TBCK: variants seen among roughly 807,000 people sequenced by gnomAD.
TBCK encodes the protein TBC1 domain containing kinase.
A neutral mutation model predicts 113.4 loss-of-function variants in TBCK; 99 were observed. The observed-to-expected ratio is 0.87, with a 90% CI of 0.74 to 1.03. The LOEUF is 1.03. TBCK is among the 50% of genes least tolerant of loss of function. The pLI, the probability that TBCK is intolerant of heterozygous loss-of-function variation, is 0.00. For missense variants in TBCK, 1,045 were observed against 1,061.3 expected (o/e 0.98, Z 0.21); for synonymous variants, 369 against 370.8 (o/e 1.00, Z 0.05).
At chr4:106,068,630 GTAGCATGATTTATAATCC>G (rs1453802125) in intron 25 of TBCK, among the ~76,000 whole-genome samples, 2 of 152,124 alleles carry the variant, frequency 1.3e-5, no homozygotes, top group African/African-American at 4.8e-5. Flanking sequence ...CATCTTTATA[GTAGCATGATTTATAATCC>G]TTTGGCTATA....
At chr4:106,196,443 C>T (rs1225004777) in intron 20 of TBCK, among the ~76,000 whole-genome samples, 5 of 151,942 alleles carry the variant, frequency 3.3e-5, no homozygotes, top group Non-Finnish European at 7.4e-5. Flanking sequence ...AATATTATTT[C>T]AGCACCTAGC....
At chr4:106,114,061 T>A (rs1277888851) in intron 24 of TBCK, among the ~76,000 whole-genome samples, 1 of 152,194 alleles carries the variant, frequency 6.6e-6, no homozygotes, top group Non-Finnish European at 1.5e-5. Flanking sequence ...TGTCTTCTAT[T>A]ATTTACTAAT....
At chr4:106,197,404 T>TGC (rs1754370551) in intron 20 of TBCK, among the ~76,000 whole-genome samples, 1 of 110,666 alleles carries the variant, frequency 9.0e-6, no homozygotes, top group Non-Finnish European at 2.0e-5. Context: ...TGTGTGTGTG[T>TGC]GTGTGTGTAT....
chr4:106,262,145 T>TG lies in TBCK; in HGVS notation c.333_334insC (p.Ile112HisfsTer10), dbSNP rs1762567467. On this transcript the variant is annotated frameshift_variant, in exon 4 of 26. Coordinates refer to ENST00000394708, the MANE Select transcript of TBCK (RefSeq NM_001163435.3). LOFTEE classifies it high-confidence loss of function. ...TGAGGAGACAATGCCCTGTGTACTA[T>TG]ACCATGTTTGTTCATATACTGCAAG... 2 of 1,548,582 alleles carry TG rather than the reference T, an allele frequency of 1.3e-6. No individual in the cohort carries two copies. Among genetic ancestry groups the TG allele is most frequent in the Admixed American group, 2.0e-5 (1 of 50,906 alleles).
chr4:106,247,244 C>T lies in TBCK; in HGVS notation c.826G>A (p.Val276Ile), dbSNP rs1392535319. Reference protein sequence around the residue: ...QLMKDKVFSEVSPLYTPFTKP... With the variant: ...QLMKDKVFSEISPLYTPFTKP... ...GTAAAGGGGGTATATAAAGGTGATA[C>T]CTCACTGAATACTTTGTCCTTCATT... The change falls in exon 10 of 26, where the codon GTA becomes ATA. Residue 276 changes from valine to isoleucine, a missense_variant. Physicochemically the swap from Val to Ile is conservative, Grantham distance 29. Transcript: ENST00000394708. The T allele has an allele frequency of 1.2e-6, 2 of 1,612,426 alleles. No individual in the cohort carries two copies. The highest frequency in any genetic ancestry group is 1.7e-6 in the Non-Finnish European group (2 of 1,178,882).
intron 19 of TBCK, among the ~76,000 whole-genome samples, chr4:106,223,632 TC>T (rs1757939504): frequency 6.6e-6 from 1 of 152,144 alleles, no homozygotes; most frequent in African/African-American, 2.4e-5. Context: ...GGGGAAACTT[TC>T]TCCTAATTTC....
intron 3 of TBCK, among the ~76,000 whole-genome samples, chr4:106,285,116 T>C (rs1323276502): frequency 6.6e-6 from 1 of 152,148 alleles, no homozygotes; most frequent in African/African-American, 2.4e-5. Flanking sequence ...TAAAAGCCAC[T>C]GGAAAGACAG....
At chr4:106,175,132 C>CAA (rs754840841) in intron 22 of TBCK, among the ~76,000 whole-genome samples, 3 of 90,740 alleles carry the variant, frequency 3.3e-5, no homozygotes, top group Admixed American at 1.3e-4. Flanking sequence ...AAGACTCTCT[C>CAA]AAAAAAAAAA....
At chr4:106,306,236 ATTTTTT>A (rs60417567) in intron 2 of TBCK, among the ~76,000 whole-genome samples, 4 of 97,326 alleles carry the variant, frequency 4.1e-5, no homozygotes, top group African/African-American at 1.2e-4. Context: ...TGCCTGGCTA[ATTTTTT>A]TTTTTTTTTT....
At chr4:106,115,239 A>G (rs71599099) in intron 24 of TBCK, among the ~76,000 whole-genome samples, 4 of 152,216 alleles carry the variant, frequency 2.6e-5, no homozygotes, top group Admixed American at 6.5e-5. Context: ...TTTTTGAGCA[A>G]CAACATCAGG....
chr4:106,185,458 T>C (rs1752905599), intron 22 of TBCK, among the ~76,000 whole-genome samples: 1 of 151,588 alleles, frequency 6.6e-6, no homozygotes, highest in South Asian at 2.1e-4. Context: ...AACTTTATAC[T>C]CACTGAACAA....
At chr4:106,210,087 C>T (rs558130417) in intron 20 of TBCK, among the ~76,000 whole-genome samples, 2 of 151,988 alleles carry the variant, frequency 1.3e-5, no homozygotes, top group East Asian at 3.9e-4. Context: ...ATTTACTGTC[C>T]TTTGTTCTAG....
At chr4:106,086,001 A>G (rs556674996) in intron 25 of TBCK, among the ~76,000 whole-genome samples, 2 of 152,330 alleles carry the variant, frequency 1.3e-5, no homozygotes, top group East Asian at 3.9e-4. Context: ...AGCTAAAAAG[A>G]TCTCAAATCG....
intron 23 of TBCK, among the ~76,000 whole-genome samples, chr4:106,136,385 G>T (rs1454277539): frequency 7.1e-6 from 1 of 141,392 alleles, no homozygotes; most frequent in Admixed American, 7.0e-5. Flanking sequence ...TACAGGAGGA[G>T]TAGTTCATTT....
rs947552699 is a variant in TBCK, at chr4:106,260,509, C to A, written c.383G>T (p.Gly128Val). The A allele has an allele frequency of 2.5e-6, 3 of 1,182,560 alleles. No homozygotes were observed. The highest frequency in any genetic ancestry group is 1.6e-5 in the African/African-American group (1 of 63,330). 73.3% of individuals were successfully genotyped at this position (1,182,560 alleles called of 1,614,324 possible). ...SPHNILLDRK[G>V]HIKLAKFGLY... ...TCCAAATTTAGCCAATTTAATATGT[C>A]CCTATGATAATAAAGAAAAAAAACA... The change falls in exon 5 of 26, where the codon GGA becomes GTA. Residue 128 changes from glycine to valine, a missense_variant and splice_region_variant. Coordinates refer to ENST00000394708, the MANE Select transcript of TBCK (RefSeq NM_001163435.3).
chr4:106,285,304 A>C (rs1278645494), intron 3 of TBCK, among the ~76,000 whole-genome samples: 1 of 152,122 alleles, frequency 6.6e-6, no homozygotes, highest in Non-Finnish European at 1.5e-5. Flanking sequence ...TTTATAATAT[A>C]AATTCTCAAA....
At chr4:106,168,749 A>G (rs898089927) in intron 23 of TBCK, among the ~76,000 whole-genome samples, 8 of 151,964 alleles carry the variant, frequency 5.3e-5, no homozygotes, top group South Asian at 2.1e-4. Context: ...CATTCCTCAA[A>G]ATCAAATACT....
chr4:106,247,040 C>A, intron 10 of TBCK, 99 bp downstream of exon 10: 1 of 1,197,182 alleles, frequency 8.4e-7, no homozygotes, highest in Non-Finnish European at 1.2e-6. Flanking sequence ...ATGATCCCAC[C>A]AATATATATT....
intron 19 of TBCK, among the ~76,000 whole-genome samples, chr4:106,219,231 GA>G (rs1320072585): frequency 1.9e-5 from 2 of 106,826 alleles, no homozygotes; most frequent in South Asian, 3.4e-4. Context: ...GGGGTGGGGG[GA>G]GGGGGGAGGG....
Sources: gnomAD v4.1 joint callset for allele counts (sites outside exome capture counted in the v4.1 genomes callset) on GRCh38, gnomAD v4.1.1 for gene constraint, MANE v1.5 for transcripts, NCBI Gene and HGNC (gene_info 2026-07-23, HGNC 2026-07-21) for gene names.